The following POU2F1 variants were observed in gnomAD, a reference collection of about 807,000 sequenced individuals.
The protein encoded by POU2F1 is POU domain, class 2, transcription factor 1.
In POU2F1, 16 loss-of-function variants were observed where a neutral mutation model predicts 84.9. That is an observed-to-expected ratio of 0.19 (90% confidence interval 0.13 to 0.29). The LOEUF is 0.29. Among genes scored for constraint, POU2F1 ranks in the 10% least tolerant of loss-of-function variants. POU2F1 has a pLI of 1.00. For missense variants in POU2F1, 738 were observed against 942.6 expected, an observed-to-expected ratio of 0.78 and a Z score of 2.84; for synonymous variants, 368 against 368.3, an observed-to-expected ratio of 1.00 and a Z score of 0.01.
chr1:167,404,030 T>C (rs1318077410), intron 13 of POU2F1, among the ~76,000 whole-genome samples: 1 of 152,188 alleles, frequency 6.6e-6, no homozygotes, highest in Non-Finnish European at 1.5e-5. Flanking sequence ...TTTCTCTCTG[T>C]AAACCTTAAG....
intron 2 of POU2F1, among the ~76,000 whole-genome samples, chr1:167,352,040 G>A (rs1658620566): frequency 6.6e-6 from 1 of 152,178 alleles, no homozygotes; most frequent in Admixed American, 6.5e-5. Context: ...TTAAGAGACT[G>A]GAGACTGATT....
At position 167,221,491 on chromosome 1, in the gene POU2F1, G is replaced by A. The variant is rs555687400; in HGVS notation, c.61+533G>A. On this transcript the variant is annotated intron_variant, in intron 1 of 15. Coordinates refer to ENST00000367866, the MANE Select transcript of POU2F1 (RefSeq NM_002697.4). ...GCGGCGAGCACAATGCCGGGGAGGC[G>A]GCGGGGCCGGAGCGGACCCCGGCGG... Among the ~76,000 whole-genome samples, 75 of 149,294 alleles carry A rather than the reference G, an allele frequency of 5.0e-4. 1 individual carries two copies. The South Asian group carries it at 0.012, about 23-fold the overall frequency.
At chr1:167,290,219 T>C (rs1653826462) in intron 1 of POU2F1, among the ~76,000 whole-genome samples, 1 of 152,024 alleles carries the variant, frequency 6.6e-6, no homozygotes, top group South Asian at 2.1e-4. Context: ...GGCAAAACCC[T>C]GTCTCTACAA....
Position 167,339,740 on chromosome 1 carries a change from A to G in POU2F1, c.127+7205A>G, listed in dbSNP as rs184101812. Among the ~76,000 whole-genome samples, 4 of 152,324 alleles carry G rather than the reference A, an allele frequency of 2.6e-5. No homozygotes were observed. In the East Asian group the frequency reaches 7.7e-4, roughly 29 times the overall value. ...TTAGGAGTTTGTCATCTTTTAAGAA[A>G]TTAAAGCTCTTCTGAAAGTCATTGT... On this transcript the variant is annotated intron_variant, in intron 2 of 15. Coordinates refer to ENST00000367866, the MANE Select transcript of POU2F1 (RefSeq NM_002697.4).
chr1:167,413,190 C>A, intron 15 of POU2F1, 76 bp downstream of exon 15: 1 of 1,110,558 alleles, frequency 9.0e-7, no homozygotes, highest in Non-Finnish European at 1.3e-6. Flanking sequence ...TGTGTGTGTG[C>A]TTGAGACAGA....
chr1:167,226,986 G>C (rs1008460149), intron 1 of POU2F1, among the ~76,000 whole-genome samples: 9 of 151,940 alleles, frequency 5.9e-5, no homozygotes, highest in African/African-American at 1.9e-4. Context: ...ATGGGGTCTT[G>C]CTATGTTGCC....
intron 1 of POU2F1, among the ~76,000 whole-genome samples, chr1:167,263,007 G>C (rs1049607922): frequency 6.6e-6 from 1 of 152,166 alleles, no homozygotes; most frequent in African/African-American, 2.4e-5. Flanking sequence ...AGTGTTTTGA[G>C]TAATATGATC....
At chr1:167,302,235 C>A (rs549903691) in intron 1 of POU2F1, among the ~76,000 whole-genome samples, 1 of 152,136 alleles carries the variant, frequency 6.6e-6, no homozygotes, top group South Asian at 2.1e-4. Flanking sequence ...AGGCACACGC[C>A]ACCACACCCG....
At chr1:167,280,815 A>G (rs1653078864) in intron 1 of POU2F1, among the ~76,000 whole-genome samples, 1 of 152,232 alleles carries the variant, frequency 6.6e-6, no homozygotes, top group Non-Finnish European at 1.5e-5. Context: ...GTATCAGCTT[A>G]GATTTCAAGC....
At chr1:167,237,766 A>ATTT (rs1649593291) in intron 1 of POU2F1, among the ~76,000 whole-genome samples, 4 of 58,008 alleles carry the variant, frequency 6.9e-5, no homozygotes, top group African/African-American at 1.8e-4. Flanking sequence ...ATATATATAT[A>ATTT]TATATATTTT....
chr1:167,372,121 T>A, intron 5 of POU2F1, 85 bp downstream of exon 5: 1 of 1,494,568 alleles, frequency 6.7e-7, no homozygotes, highest in Non-Finnish European at 9.0e-7. Context: ...TTGTTCACCA[T>A]AGCTGGTAGT....
chr1:167,388,262 A>G (rs563523249), intron 8 of POU2F1, among the ~76,000 whole-genome samples: 1 of 152,250 alleles, frequency 6.6e-6, no homozygotes, highest in African/African-American at 2.4e-5. Context: ...AGAAATACAA[A>G]TTAAAGCAGC....
chr1:167,224,647 TA>T (rs1224593958), intron 1 of POU2F1, among the ~76,000 whole-genome samples: 3 of 152,172 alleles, frequency 2.0e-5, no homozygotes, highest in African/African-American at 7.2e-5. Flanking sequence ...AGGTGATGAT[TA>T]AAATTCCCTG....
chr1:167,358,961 C>T (rs1659168168), intron 2 of POU2F1, among the ~76,000 whole-genome samples: 1 of 151,688 alleles, frequency 6.6e-6, no homozygotes, highest in African/African-American at 2.4e-5. Context: ...TACAAAGTGA[C>T]AAGATTCTTT....
intron 8 of POU2F1, among the ~76,000 whole-genome samples, chr1:167,385,987 G>A (rs1013587211): frequency 1.3e-5 from 2 of 152,088 alleles, no homozygotes; most frequent in Non-Finnish European, 2.9e-5. Context: ...ATGTCCAGCA[G>A]GCATATGAAA....
At chr1:167,229,240 A>G (rs1326830744) in intron 1 of POU2F1, among the ~76,000 whole-genome samples, 2 of 152,082 alleles carry the variant, frequency 1.3e-5, no homozygotes, top group Admixed American at 6.6e-5. Context: ...AATTAGATGC[A>G]AAGAGATTAT....
intron 1 of POU2F1, among the ~76,000 whole-genome samples, chr1:167,229,805 A>G (rs536332669): frequency 1.3e-5 from 2 of 152,310 alleles, no homozygotes; most frequent in African/African-American, 4.8e-5. Flanking sequence ...TGCAGCCAGC[A>G]TCTTAGGAGG....
chr1:167,264,530 A>G (rs1651800994), intron 1 of POU2F1, among the ~76,000 whole-genome samples: 1 of 152,156 alleles, frequency 6.6e-6, no homozygotes, highest in African/African-American at 2.4e-5. Flanking sequence ...TTGAAAAGAA[A>G]ATGGCAATTG....
chr1:167,277,552 G>A (rs1442329932), intron 1 of POU2F1, among the ~76,000 whole-genome samples: 2 of 148,784 alleles, frequency 1.3e-5, no homozygotes, highest in African/African-American at 5.0e-5. Flanking sequence ...GACCTCAAAC[G>A]ATCCTACCTC....
Sources: gnomAD v4.1 joint callset for allele counts (sites outside exome capture counted in the v4.1 genomes callset) on GRCh38, gnomAD v4.1.1 for gene constraint, MANE v1.5 for transcripts, NCBI Gene and HGNC (gene_info 2026-07-23, HGNC 2026-07-21) for gene names.